GALNT13: variants seen among roughly 807,000 people sequenced by gnomAD.
GALNT13 encodes the protein polypeptide N-acetylgalactosaminyltransferase 13, also known as UDP-GalNAc:polypeptide N-acetylgalactosaminyltransferase 13.
A neutral mutation model predicts 64.2 loss-of-function variants in GALNT13; 28 were observed. That is an observed-to-expected ratio of 0.44 (90% CI 0.32 to 0.60). GALNT13 has a LOEUF of 0.60. GALNT13 is among the 20% of genes least tolerant of loss of function. GALNT13 has a pLI of 0.05. For synonymous variants in GALNT13, 214 were observed against 224.6 expected (o/e 0.95, Z 0.42); for missense variants, 577 against 669.8 (o/e 0.86, Z 1.53).
At chr2:153,203,124 C>A in the GALNT13 span, among the ~76,000 whole-genome samples, 3 of 152,154 alleles carry the variant, frequency 2.0e-5, no homozygotes, top group African/African-American at 7.2e-5. Context: ...CAAGAAGGTG[C>A]AGTTATGTGT....
the GALNT13 span, among the ~76,000 whole-genome samples, chr2:153,814,754 A>G: frequency 6.6e-6 from 1 of 152,192 alleles, no homozygotes; most frequent in South Asian, 2.1e-4. Context: ...CAGCCGTTTC[A>G]ACGATCTTCC....
chr2:154,402,496 A>G lies in GALNT13; in HGVS notation c.1296+6366A>G, dbSNP rs192614331. On this transcript the variant is annotated intron_variant, in intron 10 of 12. Transcript: ENST00000392825. ...TTTCAAGCAATAAAAGATTATGTGT[A>G]AACATAGAAATCTCAAAGCAGACAG... 2.4e-3 allele frequency among the ~76,000 whole-genome samples: 363 copies of G among 152,376 alleles called. 5 individuals carry two copies. The highest frequency in any genetic ancestry group is 1.5e-3 in the East Asian group (8 of 5,192).
chr2:154,123,809 GA>G (rs1286867989), intron 3 of GALNT13, among the ~76,000 whole-genome samples: 9 of 152,010 alleles, frequency 5.9e-5, no homozygotes, highest in Middle Eastern at 3.4e-3. Context: ...AATGCGAGAA[GA>G]AAAAAATATA....
At chr2:154,232,653 A>G (rs145850508) in intron 4 of GALNT13, among the ~76,000 whole-genome samples, 2 of 152,122 alleles carry the variant, frequency 1.3e-5, no homozygotes, top group African/African-American at 2.4e-5. Flanking sequence ...ATCAGATTGC[A>G]TGGGTTTGAA....
chr2:153,439,427 C>T, the GALNT13 span, among the ~76,000 whole-genome samples: 6 of 152,190 alleles, frequency 3.9e-5, no homozygotes, highest in Non-Finnish European at 8.8e-5. Flanking sequence ...GTGGAGTCTA[C>T]AGAGGCAGGC....
intron 4 of GALNT13, among the ~76,000 whole-genome samples, chr2:154,173,343 A>G (rs1685470706): frequency 6.6e-6 from 1 of 151,616 alleles, no homozygotes; most frequent in Non-Finnish European, 1.5e-5. Flanking sequence ...TTGATTTTTT[A>G]ATTAAATTTA....
Position 154,239,552 on chromosome 2 carries a change from T to C in GALNT13, c.312-2478T>C, listed in dbSNP as rs142498675. On this transcript the variant is annotated intron_variant, in intron 4 of 12. Transcript: ENST00000392825. ...CCCTCTCTCATTTACCAAGATGACT[T>C]TCTAAGTTTATTTAGTGATGAGCTA... 1.1e-4 allele frequency among the ~76,000 whole-genome samples: 16 copies of C among 152,292 alleles called. No homozygotes were observed. In the East Asian group the frequency reaches 3.1e-3, roughly 29 times the overall value.
the GALNT13 span, among the ~76,000 whole-genome samples, chr2:153,115,420 G>A: frequency 4.6e-5 from 7 of 152,176 alleles, no homozygotes; most frequent in South Asian, 2.1e-4. Flanking sequence ...TCAAACCAGT[G>A]CATGGTTTTA....
chr2:153,243,452 C>T, the GALNT13 span, among the ~76,000 whole-genome samples: 1 of 152,218 alleles, frequency 6.6e-6, no homozygotes, highest in Admixed American at 6.5e-5. Flanking sequence ...CTAGGCCCCA[C>T]ACCTGGTATA....
In GALNT13 at chr2:154,323,199, G is replaced by A. The variant is rs1206775046; in HGVS notation, c.1156+21610G>A. On this transcript the variant is annotated intron_variant, in intron 9 of 12. Coordinates refer to ENST00000392825, the MANE Select transcript of GALNT13 (RefSeq NM_052917.4). ...TCATCCTAGATACTTGAGAGGCTGA[G>A]GCAGGAGGATTCCCGGAGCTCAGGA... Among the ~76,000 whole-genome samples, 3 of 151,396 alleles carry A rather than the reference G, an allele frequency of 2.0e-5. No individual in the cohort carries two copies. In the East Asian group the frequency reaches 5.8e-4, roughly 29 times the overall value.
At chr2:153,417,414 G>A in the GALNT13 span, among the ~76,000 whole-genome samples, 1 of 152,148 alleles carries the variant, frequency 6.6e-6, no homozygotes, top group African/African-American at 2.4e-5. Flanking sequence ...AGATTGATAG[G>A]TTAAGAATAA....
At chr2:153,847,911 C>T in the GALNT13 span, among the ~76,000 whole-genome samples, 45 of 152,178 alleles carry the variant, frequency 3.0e-4, no homozygotes, top group South Asian at 9.1e-3. Flanking sequence ...CAGTTTGATC[C>T]CATGGAGCGC....
intron 3 of GALNT13, among the ~76,000 whole-genome samples, chr2:154,046,658 T>A (rs1408985434): frequency 1.3e-5 from 2 of 152,166 alleles, no homozygotes; most frequent in Non-Finnish European, 2.9e-5. Context: ...TATTTGGATA[T>A]AAGACTTTAA....
At chr2:153,720,379 C>T in the GALNT13 span, among the ~76,000 whole-genome samples, 1 of 150,640 alleles carries the variant, frequency 6.6e-6, no homozygotes, top group Non-Finnish European at 1.5e-5. Context: ...AGCAGAAAAA[C>T]TGGAAACTCT....
At chr2:153,758,780 T>A in the GALNT13 span, among the ~76,000 whole-genome samples, 130,731 of 152,018 alleles carry the variant, frequency 0.86, 57,116 homozygotes, top group Non-Finnish European at 0.9. Context: ...TTTAGTAGAG[T>A]CAGGGTTTAA....
chr2:153,385,455 T>G, the GALNT13 span, among the ~76,000 whole-genome samples: 17 of 152,150 alleles, frequency 1.1e-4, no homozygotes, highest in South Asian at 1.5e-3. Flanking sequence ...ACATCACATG[T>G]TCTCACTTAT....
At chr2:154,088,463 T>C (rs1408227445) in intron 3 of GALNT13, among the ~76,000 whole-genome samples, 2 of 152,194 alleles carry the variant, frequency 1.3e-5, no homozygotes, top group Non-Finnish European at 2.9e-5. Context: ...TTTATTTATA[T>C]ATTTAGAGGC....
chr2:153,551,791 G>T, the GALNT13 span, among the ~76,000 whole-genome samples: 3 of 152,138 alleles, frequency 2.0e-5, no homozygotes, highest in African/African-American at 7.2e-5. Context: ...TAGATAGTTG[G>T]ATGTACAAAT....
chr2:154,339,139 T>C (rs1695614810), intron 9 of GALNT13, among the ~76,000 whole-genome samples: 2 of 152,158 alleles, frequency 1.3e-5, no homozygotes, highest in Admixed American at 6.6e-5. Flanking sequence ...CGCATCCTGC[T>C]CTTACACTCT....
Sources: gnomAD v4.1 joint callset for allele counts (sites outside exome capture counted in the v4.1 genomes callset) on GRCh38, gnomAD v4.1.1 for gene constraint, MANE v1.5 for transcripts, NCBI Gene and HGNC (gene_info 2026-07-23, HGNC 2026-07-21) for gene names.